Variants in CNNM2 observed in about 807,000 individuals in gnomAD.
CNNM2 encodes the protein cyclin and CBS domain divalent metal cation transport mediator 2.
CNNM2 carries 12 observed loss-of-function variants against 66.9 expected under a neutral mutation model. The observed-to-expected ratio is 0.18, with a 90% CI of 0.11 to 0.29. The LOEUF is 0.29. CNNM2 is among the 10% of genes least tolerant of loss of function. The pLI, the probability that CNNM2 is intolerant of heterozygous loss-of-function variation, is 1.00. For missense variants in CNNM2, 705 were observed against 1,167.7 expected, an observed-to-expected ratio of 0.60 and a Z score of 5.77; for synonymous variants, 557 against 501.8, an observed-to-expected ratio of 1.11 and a Z score of -1.47.
At chr10:102,990,284 C>G (rs532516687) in intron 1 of CNNM2, among the ~76,000 whole-genome samples, 20 of 152,182 alleles carry the variant, frequency 1.3e-4, no homozygotes, top group African/African-American at 4.6e-4. Context: ...CGTGCCCGGT[C>G]TTAAACTTTC....
At position 102,919,655 on chromosome 10, in the gene CNNM2, C is replaced by T; in HGVS notation, c.1175C>T (p.Pro392Leu). The change falls in exon 1 of 8, where the codon CCG becomes CTG. Residue 392 changes from proline (P) to leucine (L), a missense_variant. Coordinates refer to ENST00000369878, the MANE Select transcript of CNNM2 (RefSeq NM_017649.5). The stretch of plus-strand genomic sequence containing the variant: ...ATGATGACCTTCCCCGCTTCCTACC[C>T]GGTCAGCAAGCTGCTGGACTGCGTC... ...FMMMTFPASY[P>L]VSKLLDCVLG... The T allele has an allele frequency of 1.2e-6, 2 of 1,614,188 alleles. No individual in the cohort carries two copies. The highest frequency in any genetic ancestry group is 1.7e-6 in the Non-Finnish European group (2 of 1,180,042).
chr10:103,026,601 CAAAAAAAAAA>C (rs887780071), intron 1 of CNNM2, among the ~76,000 whole-genome samples: 3 of 64,932 alleles, frequency 4.6e-5, no homozygotes, highest in Non-Finnish European at 8.7e-5. Flanking sequence ...ACCTTGTCTT[CAAAAAAAAAA>C]AAAAAAAAAA....
Position 103,080,736 on chromosome 10 carries a change from C to A in CNNM2, c.*3556C>A, listed in dbSNP as rs1195524610. The A allele has an allele frequency of 1.3e-5, 2 of 152,222 alleles. No individual in the cohort carries two copies. Among genetic ancestry groups the A allele is most frequent in the African/African-American group, 4.8e-5 (2 of 41,458 alleles). 9.4% of individuals were successfully genotyped at this position (152,222 alleles called of 1,614,324 possible). A position where few individuals can be genotyped will look rare whatever the true frequency, so the allele number is the denominator to read the frequency against. ...TCGTCAGCACTGTACACTAAAGGAC[C>A]AGCTTTTCCAAGCCTAGGAAAATAA... On this transcript the variant is annotated 3_prime_UTR_variant, in exon 8 of 8. Coordinates refer to ENST00000369878, the MANE Select transcript of CNNM2 (RefSeq NM_017649.5).
intron 1 of CNNM2, among the ~76,000 whole-genome samples, chr10:103,014,963 T>C (rs1220567140): frequency 2.0e-5 from 3 of 152,156 alleles, no homozygotes; most frequent in South Asian, 4.1e-4. Context: ...AAATTTAATA[T>C]ATCTGATATC....
At chr10:102,975,124 T>A (rs773420190) in intron 1 of CNNM2, among the ~76,000 whole-genome samples, 1 of 152,162 alleles carries the variant, frequency 6.6e-6, no homozygotes, top group Non-Finnish European at 1.5e-5. Flanking sequence ...GAGAGCTGTT[T>A]AATGATGGAG....
intron 1 of CNNM2, among the ~76,000 whole-genome samples, chr10:102,995,714 G>A (rs896855176): frequency 6.6e-5 from 10 of 151,846 alleles, no homozygotes; most frequent in African/African-American, 2.4e-4. Flanking sequence ...AAGATGGTAG[G>A]CATTCCATTG....
chr10:103,003,898 G>C (rs184524943), intron 1 of CNNM2, among the ~76,000 whole-genome samples: 2 of 150,624 alleles, frequency 1.3e-5, no homozygotes, highest in African/African-American at 4.9e-5. Context: ...GTATTCTTCT[G>C]ATATGATTTC....
At chr10:102,936,917 A>T (rs1205194085) in intron 1 of CNNM2, among the ~76,000 whole-genome samples, 4 of 152,244 alleles carry the variant, frequency 2.6e-5, no homozygotes, top group Non-Finnish European at 5.9e-5. Flanking sequence ...AAATGTATTT[A>T]GATGAAACTC....
chr10:102,951,848 G>A (rs186808872), intron 1 of CNNM2, among the ~76,000 whole-genome samples: 160 of 151,804 alleles, frequency 1.1e-3, no homozygotes, highest in African/African-American at 3.5e-3. Flanking sequence ...TTGTTGCCCA[G>A]GCTGGAGTGC....
At chr10:102,925,270 T>A (rs1324460251) in intron 1 of CNNM2, among the ~76,000 whole-genome samples, 1 of 111,158 alleles carries the variant, frequency 9.0e-6, no homozygotes, top group Non-Finnish European at 1.7e-5. Context: ...CATTCCAGCC[T>A]GGGCAACAAG....
At chr10:102,994,240 A>C (rs912218363) in intron 1 of CNNM2, among the ~76,000 whole-genome samples, 1 of 152,184 alleles carries the variant, frequency 6.6e-6, no homozygotes, top group East Asian at 1.9e-4. Flanking sequence ...CCCGGCTCAA[A>C]ATCTTAACTT....
chr10:103,037,766 G>T (rs560462532), intron 1 of CNNM2, among the ~76,000 whole-genome samples: 3 of 152,120 alleles, frequency 2.0e-5, no homozygotes, highest in Non-Finnish European at 4.4e-5. Flanking sequence ...GTTTAAATGC[G>T]ATTTGTAGAT....
chr10:103,016,795 C>T (rs1363343216), intron 1 of CNNM2, among the ~76,000 whole-genome samples: 1 of 152,110 alleles, frequency 6.6e-6, no homozygotes, highest in East Asian at 1.9e-4. Flanking sequence ...CTTCACATTG[C>T]CTCACTCTTG....
Position 103,054,528 on chromosome 10 carries a change from CACTG to C in CNNM2, c.1903+67_1903+70del. Reference sequence around the variant, plus strand: ...ACCCTGAAGCGTGTTTCTCACCCACCACTGACTGGGGTGGGTTGGGGGTGGACAC... The same window carrying C: ...ACCCTGAAGCGTGTTTCTCACCCACCACTGGGGTGGGTTGGGGGTGGACAC... On this transcript the variant is annotated intron_variant, in intron 3 of 7. Coordinates refer to ENST00000369878, the MANE Select transcript of CNNM2 (RefSeq NM_017649.5). This position sits in a 1 kb window ranked among gnomAD's most constrained non-coding sequence, Gnocchi z 5.2. 41 of 1,570,794 alleles carry C rather than the reference CACTG, an allele frequency of 2.6e-5. No homozygotes were observed. The highest frequency in any genetic ancestry group is 3.5e-5 in the Non-Finnish European group (40 of 1,151,582).
intron 1 of CNNM2, among the ~76,000 whole-genome samples, chr10:103,019,096 C>A (rs1298860609): frequency 1.3e-5 from 2 of 151,542 alleles, no homozygotes; most frequent in Non-Finnish European, 2.9e-5. Flanking sequence ...GGCGAGATCC[C>A]ATCCCTACTA....
chr10:103,043,045 G>A (rs984996372), intron 1 of CNNM2, among the ~76,000 whole-genome samples: 5 of 152,208 alleles, frequency 3.3e-5, no homozygotes, highest in Non-Finnish European at 7.3e-5. Flanking sequence ...TCCTTGGTTA[G>A]TAAGGAGGCC....
At chr10:102,970,420 G>A (rs139622751) in intron 1 of CNNM2, among the ~76,000 whole-genome samples, 10 of 152,336 alleles carry the variant, frequency 6.6e-5, no homozygotes, top group African/African-American at 2.4e-4. Flanking sequence ...TGTTACCCAT[G>A]TCTGCTTTTG....
chr10:103,071,979 G>T, intron 6 of CNNM2, 140 bp downstream of exon 6: 1 of 795,462 alleles, frequency 1.3e-6, no homozygotes, highest in Non-Finnish European at 2.2e-6. Flanking sequence ...CTAAGGTTCC[G>T]TAACTTTATA....
Position 102,935,548 on chromosome 10 carries a change from G to T in CNNM2, c.1621+15447G>T, listed in dbSNP as rs1846206142. Among the ~76,000 whole-genome samples the T allele has an allele frequency of 2.0e-5, 3 of 151,832 alleles. 1 individual carries two copies. The South Asian group carries it at 6.2e-4, about 32-fold the overall frequency. ...ATTTGCAAAGACTAGAAGAAACCCT[G>T]ACTTCTGTTACTCTGCATTTCTTAC... On this transcript the variant is annotated intron_variant, in intron 1 of 7. Coordinates refer to ENST00000369878, the MANE Select transcript of CNNM2 (RefSeq NM_017649.5).
Sources: allele counts gnomAD v4.1 joint callset (sites outside exome capture counted in the v4.1 genomes callset), GRCh38; gene constraint gnomAD v4.1.1; non-coding constraint Gnocchi (gnomAD v3.1); transcripts MANE v1.5; gene names NCBI Gene and HGNC (gene_info 2026-07-23, HGNC 2026-07-21).